POMGNT1: variants seen among roughly 807,000 people sequenced by gnomAD.
POMGNT1 encodes the protein protein O-linked mannose N-acetylglucosaminyltransferase 1 (beta 1,2-).
A neutral mutation model predicts 95.6 loss-of-function variants in POMGNT1; 67 were observed. The observed-to-expected ratio is 0.70, with a 90% CI of 0.58 to 0.86. The LOEUF (loss-of-function observed/expected upper bound fraction) is 0.86, where lower values mean the gene tolerates loss of function less well. Ranked by LOEUF, POMGNT1 falls within the 40% of genes least tolerant of loss-of-function variation. The pLI, the probability that POMGNT1 is intolerant of heterozygous loss-of-function variation, is 0.00. For synonymous variants in POMGNT1, 298 were observed against 317.9 expected, an observed-to-expected ratio of 0.94 and a Z score of 0.66; for missense variants, 719 against 855.2, an observed-to-expected ratio of 0.84 and a Z score of 1.99.
At chr1:46,211,865 G>T (rs1658907800) in intron 1 of POMGNT1, among the ~76,000 whole-genome samples, 1 of 152,090 alleles carries the variant, frequency 6.6e-6, no homozygotes, top group African/African-American at 2.4e-5. Context: ...CGGTTCAAGT[G>T]ATTCTCCTGC....
chr1:46,196,229 C>T lies in POMGNT1; in HGVS notation c.355-152G>A, dbSNP rs1223968414. 6.1e-6 allele frequency: 9 copies of T among 1,482,568 alleles called. No homozygotes were observed. The highest frequency in any genetic ancestry group is 2.5e-5 in the East Asian group (1 of 40,578). The allele number at this position is 1,482,568 out of a possible 1,614,324, so 91.8% of individuals were successfully genotyped here. A position where few individuals can be genotyped will look rare whatever the true frequency, so the allele number is the denominator to read the frequency against. ...CTTTTCCAACTCAGCTCGAAGGCCA[C>T]CTCTTCCAGAAAGCCTCTATAGCAC... On this transcript the variant is annotated intron_variant, in intron 4 of 21. Transcript: ENST00000371984. The surrounding 1 kb of genome is among the most constrained non-coding windows in gnomAD (Gnocchi z 4.4).
chr1:46,207,934 C>T (rs1658770896), intron 1 of POMGNT1, among the ~76,000 whole-genome samples: 1 of 151,920 alleles, frequency 6.6e-6, no homozygotes, highest in Non-Finnish European at 1.5e-5. Flanking sequence ...ATGGCGTGAT[C>T]TCGGCTCACT....
chr1:46,219,644 G>A (rs1480820937), intron 1 of POMGNT1: 4 of 1,506,528 alleles, frequency 2.7e-6, no homozygotes, highest in Admixed American at 2.2e-5. Context: ...CTGTGGAAAC[G>A]CTGGGGAAAC....
At position 46,192,396 on chromosome 1, in the gene POMGNT1, C is replaced by T. The variant is rs150877512; in HGVS notation, c.1325G>A (p.Arg442His). The T allele has an allele frequency of 2.0e-5, 32 of 1,614,050 alleles. No homozygotes were observed. The highest frequency in any genetic ancestry group is 3.3e-5 in the Admixed American group (2 of 59,998). ...HTAEDPALLY[R>H]VETMPGLGWV... is the part of the protein sequence containing the mutation. ...GCCCAGCCCAGGCATGGTCTCCACA[C>T]GGTACAGTAGTGCTGGGTCCTCAGC... The change falls in exon 16 of 22, where the codon CGT (arginine) becomes CAT (histidine). Residue 442 changes from arginine (R) to histidine (H), a missense_variant. Arg to His is a conservative substitution (Grantham distance 29). Coordinates refer to ENST00000371984, the MANE Select transcript of POMGNT1 (RefSeq NM_017739.4).
Position 46,193,609 on chromosome 1 carries a change from C to T in POMGNT1, c.981G>A (p.Gly327=), listed in dbSNP as rs1281332311. The T allele has an allele frequency of 6.2e-7, 1 of 1,614,172 alleles. No homozygotes were observed. The highest frequency in any genetic ancestry group is 1.7e-5 in the Admixed American group (1 of 60,030). ...AAACTGTTATCATCTGAGGAGACAC[C>T]CCCTGGGCTGAAAGCAGAGAGCGCA... The part of the protein sequence containing the change: ...RMLRSLLSAQ[G]VSPQMITVFI... The change falls in exon 11 of 22, where the codon GGG becomes GGA. Residue 327 remains glycine (G), a synonymous_variant. Coordinates refer to ENST00000371984, the MANE Select transcript of POMGNT1 (RefSeq NM_017739.4).
rs940315351 is a variant in POMGNT1 at position 46,188,864 on chromosome 1, G to GCC, written c.*404_*405dup. ...GGGCACAGCAGTTTCCTGAGTAAGA[G>GCC]CCAGCCCCACCCTCAGGGCAGCATT... On this transcript the variant is annotated 3_prime_UTR_variant, in exon 22 of 22. Coordinates refer to ENST00000371984, the MANE Select transcript of POMGNT1 (RefSeq NM_017739.4). 2 of 1,612,772 alleles carry GCC rather than the reference G, an allele frequency of 1.2e-6. No individual in the cohort carries two copies. Among genetic ancestry groups the GCC allele is most frequent in the African/African-American group, 2.7e-5 (2 of 74,932 alleles).
chr1:46,195,616 A>G (rs901325574), intron 6 of POMGNT1, 195 bp downstream of exon 6: 1 of 662,932 alleles, frequency 1.5e-6, no homozygotes, highest in African/African-American at 1.8e-5. Context: ...CAGCACCCAG[A>G]GAAGTACCTG....
At chr1:46,204,849 A>G (rs939066870) in intron 1 of POMGNT1, among the ~76,000 whole-genome samples, 2 of 152,232 alleles carry the variant, frequency 1.3e-5, no homozygotes, top group Admixed American at 6.5e-5. Flanking sequence ...TAGACTGTCT[A>G]CTTGCTTTGA....
intron 13 of POMGNT1, 26 bp downstream of exon 13, chr1:46,193,148 C>A: frequency 6.2e-7 from 1 of 1,614,028 alleles, no homozygotes; most frequent in Non-Finnish European, 8.5e-7. Flanking sequence ...CCTCCCAGGC[C>A]CAAGAGTTGT....
At chr1:46,219,260 A>C (rs1377195065) in intron 1 of POMGNT1, among the ~76,000 whole-genome samples, 4 of 150,842 alleles carry the variant, frequency 2.7e-5, no homozygotes, top group Non-Finnish European at 5.9e-5. Context: ...GCGCCATTGC[A>C]CTCCATCCTG....
chr1:46,199,540 G>T (rs1557680531), upstream of POMGNT1, among the ~76,000 whole-genome samples: 1 of 152,208 alleles, frequency 6.6e-6, no homozygotes, highest in Non-Finnish European at 1.5e-5. Context: ...GGCAGGGTGG[G>T]ATTTTGCATT....
upstream of POMGNT1, among the ~76,000 whole-genome samples, chr1:46,200,613 T>C (rs80092534): frequency 6.6e-6 from 1 of 152,258 alleles, no homozygotes; most frequent in Non-Finnish European, 1.5e-5. Context: ...TTCATTTGTA[T>C]TTTTTAACAA....
At chr1:46,211,954 G>A (rs1022034889) in intron 1 of POMGNT1, among the ~76,000 whole-genome samples, 1 of 152,040 alleles carries the variant, frequency 6.6e-6, no homozygotes, top group African/African-American at 2.4e-5. Flanking sequence ...TAGAGACGGG[G>A]TTTCACCATG....
At chr1:46,218,879 C>T (rs996961248) in intron 1 of POMGNT1, among the ~76,000 whole-genome samples, 4 of 152,042 alleles carry the variant, frequency 2.6e-5, no homozygotes, top group Non-Finnish European at 5.9e-5. Flanking sequence ...ACTAGGGAAC[C>T]AGGTTAGCTC....
At chr1:46,200,258 G>T (rs1290079601), upstream of POMGNT1, among the ~76,000 whole-genome samples, 1 of 152,152 alleles carries the variant, frequency 6.6e-6, no homozygotes, top group African/African-American at 2.4e-5. Context: ...CTTCATGGAT[G>T]ATCTCATTCT....
Position 46,196,178 on chromosome 1 carries a change from C to T in POMGNT1, c.355-101G>A. On this transcript the variant is annotated intron_variant, in intron 4 of 21. Coordinates refer to ENST00000371984, the MANE Select transcript of POMGNT1 (RefSeq NM_017739.4). The surrounding 1 kb of genome is among the most constrained non-coding windows in gnomAD (Gnocchi z 4.4). ...CACCAGCTGCTTGAAACATCACCTC[C>T]TGCCTATGTTTCTGTTCACACAGTT... 2 of 1,584,104 alleles carry T rather than the reference C, an allele frequency of 1.3e-6. No homozygotes were observed. Among genetic ancestry groups the T allele is most frequent in the Non-Finnish European group, 1.7e-6 (2 of 1,167,804 alleles).
At chr1:46,190,677 A>C (rs1036364718) in intron 18 of POMGNT1, 43 bp downstream of exon 18, 1 of 1,576,284 alleles carries the variant, frequency 6.3e-7, no homozygotes, top group Non-Finnish European at 8.7e-7. Flanking sequence ...CTGGCCTCCA[A>C]ATCTCCTAGA....
Position 46,196,611 on chromosome 1 carries a change from A to G in POMGNT1, c.354+120T>C. 6.3e-7 allele frequency: 1 copy of G among 1,587,812 alleles called. No homozygotes were observed. The highest frequency in any genetic ancestry group is 8.5e-7 in the Non-Finnish European group (1 of 1,170,436). ...TATAGATAAGGAATCGAGGACTCCA[A>G]AGTCACACAGCTAGAAACTGGCAGA... On this transcript the variant is annotated intron_variant, in intron 4 of 21. Transcript: ENST00000371984. This position sits in a 1 kb window ranked among gnomAD's most constrained non-coding sequence, Gnocchi z 4.4.
At position 46,189,582 on chromosome 1, in the gene POMGNT1, A is replaced by G; in HGVS notation, c.1786-15T>C. The G allele has an allele frequency of 6.2e-7, 1 of 1,604,004 alleles. No homozygotes were observed. Among genetic ancestry groups the G allele is most frequent in the South Asian group, 1.1e-5 (1 of 89,424 alleles). ...ATATGGAGGCACTAGTGAGGGTGGG[A>G]TGGAGACAGAGACATGGGTCAGAGA... On this transcript the variant is annotated splice_polypyrimidine_tract_variant and intron_variant, in intron 20 of 21. Transcript: ENST00000371984.
Sources: allele counts gnomAD v4.1 joint callset (sites outside exome capture counted in the v4.1 genomes callset), GRCh38; gene constraint gnomAD v4.1.1; non-coding constraint Gnocchi (gnomAD v3.1); transcripts MANE v1.5; gene names NCBI Gene and HGNC (gene_info 2026-07-23, HGNC 2026-07-21).